TNS1: variants seen among roughly 807,000 people sequenced by gnomAD.
The protein encoded by TNS1 is tensin 1.
A neutral mutation model predicts 168.6 loss-of-function variants in TNS1; 62 were observed. That is an observed-to-expected ratio of 0.37 (90% CI 0.30 to 0.45). The LOEUF is 0.45. Among genes scored for constraint, TNS1 ranks in the 20% least tolerant of loss-of-function variants. The pLI, the probability that TNS1 is intolerant of heterozygous loss-of-function variation, is 1.00. For synonymous variants in TNS1, 934 were observed against 933.2 expected, an observed-to-expected ratio of 1.00 and a Z score of -0.02; for missense variants, 2,240 against 2,339.4, an observed-to-expected ratio of 0.96 and a Z score of 0.88.
Position 217,954,211 on chromosome 2 carries a change from G to T in TNS1, c.186+24554C>A, listed in dbSNP as rs147094987. Among the ~76,000 whole-genome samples the T allele has an allele frequency of 7.0e-3, 1,059 of 152,314 alleles. 11 individuals are homozygous for T. The highest frequency in any genetic ancestry group is 0.024 in the African/African-American group (978 of 41,576). The stretch of plus-strand genomic sequence containing the variant: ...GCAGGAGCCAGGGGCTGGGCTCCTA[G>T]GGCTCTATTCTGGCTCCCTGGTGAC... On this transcript the variant is annotated intron_variant, in intron 3 of 32. Transcript: ENST00000682258.
chr2:217,992,871 C>T (rs1958402261), intron 1 of TNS1, among the ~76,000 whole-genome samples: 1 of 152,316 alleles, frequency 6.6e-6, no homozygotes, highest in Middle Eastern at 3.4e-3. Context: ...CCAGGAAGAT[C>T]AGAGCATCAA....
chr2:217,873,161 A>G lies in TNS1; in HGVS notation c.1429+7737T>C, dbSNP rs555622417. Among the ~76,000 whole-genome samples the G allele has an allele frequency of 3.3e-5, 5 of 152,356 alleles. No homozygotes were observed. The South Asian group carries it at 1.0e-3, about 32-fold the overall frequency. The stretch of plus-strand genomic sequence containing the variant: ...AAAACCCATTGAATTGTATACTTTA[A>G]AGAGGTGAAGTTGTGGTATTAAATT... On this transcript the variant is annotated intron_variant, in intron 18 of 32. Coordinates refer to ENST00000682258, the MANE Select transcript of TNS1 (RefSeq NM_001387777.1).
chr2:218,024,541 A>G lies in TNS1; in HGVS notation c.156+9279T>C, dbSNP rs151125268. Among the ~76,000 whole-genome samples, 80 of 152,218 alleles carry G rather than the reference A, an allele frequency of 5.3e-4. 1 individual carries two copies. In the East Asian group the frequency reaches 8.9e-3, roughly 17 times the overall value. On this transcript the variant is annotated intron_variant, in intron 1 of 1. Transcript: ENST00000649572. ...ACAGTCTGGACTGCTCTGACCTCCC[A>G]CAGATGGCCTCAGCTCAGTGCCCAG...
chr2:217,915,299 T>C (rs1242672714), intron 4 of TNS1, among the ~76,000 whole-genome samples: 1 of 152,240 alleles, frequency 6.6e-6, no homozygotes, highest in Non-Finnish European at 1.5e-5. Context: ...GCCTCAGATC[T>C]GACACTGCGA....
intron 18 of TNS1, among the ~76,000 whole-genome samples, chr2:217,872,602 A>T (rs1949867748): frequency 6.6e-6 from 1 of 152,204 alleles, no homozygotes; most frequent in South Asian, 2.1e-4. Context: ...GCTGGTAGGA[A>T]CGCCAAATGG....
rs1380523458 is a variant in TNS1 at position 217,891,705 on chromosome 2, C to T, written c.783-660G>A. Among the ~76,000 whole-genome samples, 4 of 152,240 alleles carry T rather than the reference C, an allele frequency of 2.6e-5. No homozygotes were observed. The East Asian group carries it at 5.8e-4, about 22-fold the overall frequency. ...AACCCCAAAGTCCTCAGTGAGGCCG[C>T]GAGGCCCCATGGCTCTGCCACCTCC... is the stretch of plus-strand genomic sequence containing the variant. On this transcript the variant is annotated intron_variant, in intron 11 of 32. Transcript: ENST00000682258.
chr2:217,980,535 A>AGAGAGAGAGAGAGAGAGAGAGAGG (rs1559398475), intron 2 of TNS1, among the ~76,000 whole-genome samples: 2 of 149,138 alleles, frequency 1.3e-5, no homozygotes, highest in African/African-American at 5.1e-5. Flanking sequence ...AGAGAGAGAG[A>AGAGAGAGAGAGAGAGAGAGAGAGG]GAGAGAGAGA....
chr2:217,822,577 G>A (rs376926875), intron 22 of TNS1, among the ~76,000 whole-genome samples: 44 of 152,280 alleles, frequency 2.9e-4, no homozygotes, highest in East Asian at 2.7e-3. Flanking sequence ...ATTCCCAGGC[G>A]GAACTCAACA....
chr2:217,918,375 G>T (rs1955333692), intron 4 of TNS1, among the ~76,000 whole-genome samples: 1 of 152,288 alleles, frequency 6.6e-6, no homozygotes, highest in Admixed American at 6.5e-5. Context: ...TCAGGCAGGG[G>T]AGCCTCTGGG....
intron 3 of TNS1, among the ~76,000 whole-genome samples, chr2:217,970,457 T>C (rs961979718): frequency 2.0e-5 from 3 of 152,164 alleles, no homozygotes; most frequent in Non-Finnish European, 2.9e-5. Flanking sequence ...TGAATCCTCA[T>C]GGCAACATTA....
At chr2:217,830,490 C>A (rs2125276370) in intron 22 of TNS1, 1 of 1,408,622 alleles carries the variant, frequency 7.1e-7, no homozygotes, top group Non-Finnish European at 9.8e-7. Context: ...ACATGGCCAC[C>A]AAGGGCCCAG....
At chr2:217,809,699 A>C in intron 30 of TNS1, 124 bp downstream of exon 30, 1 of 1,013,618 alleles carries the variant, frequency 9.9e-7, no homozygotes, top group South Asian at 1.6e-5. Context: ...AGATAGATGG[A>C]TGAGAAGGTA....
intron 3 of TNS1, among the ~76,000 whole-genome samples, chr2:217,935,951 T>G (rs1956583541): frequency 1.3e-5 from 2 of 152,192 alleles, no homozygotes; most frequent in Admixed American, 1.3e-4. Flanking sequence ...CACATCACAC[T>G]GCCTCATGAG....
chr2:217,829,023 G>C (rs1232333419), intron 22 of TNS1, among the ~76,000 whole-genome samples: 1 of 152,170 alleles, frequency 6.6e-6, no homozygotes, highest in Non-Finnish European at 1.5e-5. Flanking sequence ...GCATCTAGCA[G>C]GTAGAATCCA....
intron 22 of TNS1, among the ~76,000 whole-genome samples, chr2:217,827,055 T>C (rs1157089592): frequency 6.6e-6 from 1 of 152,100 alleles, no homozygotes; most frequent in Non-Finnish European, 1.5e-5. Flanking sequence ...TTGAGCCACA[T>C]GCCCCCTCCT....
chr2:217,819,599 G>A (rs987682776), intron 23 of TNS1, among the ~76,000 whole-genome samples: 1 of 152,212 alleles, frequency 6.6e-6, no homozygotes, highest in African/African-American at 2.4e-5. Context: ...GTAAAGTTAA[G>A]TCTAGGTCTG....
In TNS1 at chr2:217,808,611, C is replaced by T; in HGVS notation, c.5334G>A (p.Gln1778=). ...GTGTACAAGAGACTTACTTTCTTTC[C>T]TGTGGATCCAGGTCACAGAAGGTGA... ...NTVTFCDLDP[Q]ERKWMKTEGG... is the part of the protein sequence containing the mutation. Residue 1778 remains glutamine, a synonymous_variant, in exon 31 of 33, where the codon CAG becomes CAA. Transcript: ENST00000682258. 1 of 1,614,092 alleles carries T rather than the reference C, an allele frequency of 6.2e-7. No homozygotes were observed. Among genetic ancestry groups the T allele is most frequent in the African/African-American group, 1.3e-5 (1 of 75,038 alleles).
chr2:217,818,788 A>C, intron 23 of TNS1, 29 bp from the exon 24 acceptor site: 2 of 1,564,816 alleles, frequency 1.3e-6, no homozygotes, highest in African/African-American at 1.3e-5. Context: ...TTGCGATGTC[A>C]GTGGACAGAA....
chr2:217,857,697 T>A (rs1317573088), intron 18 of TNS1, among the ~76,000 whole-genome samples: 1 of 152,210 alleles, frequency 6.6e-6, no homozygotes, highest in Non-Finnish European at 1.5e-5. Flanking sequence ...GCAAGTGATC[T>A]GCCCTGCCCT....
Sources: allele counts gnomAD v4.1 joint callset (sites outside exome capture counted in the v4.1 genomes callset), GRCh38; gene constraint gnomAD v4.1.1; transcripts MANE v1.5; gene names NCBI Gene and HGNC (gene_info 2026-07-23, HGNC 2026-07-21).